Variants in ADGRG2 observed in about 807,000 individuals in gnomAD.
ADGRG2 encodes adhesion G protein-coupled receptor G2, also known as G protein-coupled receptor 64.
In ADGRG2, 26 loss-of-function variants were observed where a neutral mutation model predicts 74.1. The observed-to-expected ratio is 0.35, with a 90% CI of 0.26 to 0.49. The LOEUF (loss-of-function observed/expected upper bound fraction) is 0.49. ADGRG2 is among the 20% of genes least tolerant of loss of function. The pLI is 0.99. For synonymous variants in ADGRG2, 296 were observed against 295.2 expected (o/e 1.00, Z -0.03); for missense variants, 619 against 763.1 (o/e 0.81, Z 2.22).
intron 1 of ADGRG2, among the ~76,000 whole-genome samples, chrX:19,084,559 T>G (rs1336217012): frequency 8.9e-6 from 1 of 112,033 alleles, no homozygotes; most frequent in Non-Finnish European, 1.9e-5. Context: ...GTGGACTAAA[T>G]GTAGGATTAA....
rs776586772 is a variant in ADGRG2 at position 19,063,725 on chromosome X, G to T, written c.118+4992C>A. On this transcript the variant is annotated intron_variant, in intron 3 of 28. Transcript: ENST00000379869. ...AAGCCCGTAATGAGTGTGACACAAA[G>T]TGATATCCCCAGGTATGGATGGATA... Among the ~76,000 whole-genome samples the T allele has an allele frequency of 1.1e-3, 121 of 111,832 alleles. 1 individual carries two copies. Among genetic ancestry groups the T allele is most frequent in the African/African-American group, 3.7e-3 (115 of 30,762 alleles).
At position 19,046,971 on chromosome X, in the gene ADGRG2, G is replaced by A. The variant is rs1056603544; in HGVS notation, c.119-6747C>T. On this transcript the variant is annotated intron_variant, in intron 3 of 28. Coordinates refer to ENST00000379869, the MANE Select transcript of ADGRG2 (RefSeq NM_001079858.3). ...CATGAAAGATATTGCAAGGGGTCAG[G>A]TCCCTGTGATACAGAGTAAGGGAAG... Among the ~76,000 whole-genome samples, 124 of 112,205 alleles carry A rather than the reference G, an allele frequency of 1.1e-3. 1 individual carries two copies. Among genetic ancestry groups the A allele is most frequent in the African/African-American group, 3.6e-3 (110 of 30,924 alleles).
intron 1 of ADGRG2, among the ~76,000 whole-genome samples, chrX:19,102,175 A>G (rs2062200295): frequency 9.9e-6 from 1 of 100,694 alleles, no homozygotes; most frequent in African/African-American, 3.5e-5. Flanking sequence ...GTTCAAGACC[A>G]AAGTGCTGGG....
At position 18,999,272 on chromosome X, in the gene ADGRG2, T is replaced by C. The variant is rs774268855; in HGVS notation, c.2338A>G (p.Ile780Val). The C allele has an allele frequency of 1.9e-5, 22 of 1,186,265 alleles. No homozygotes were observed. Among genetic ancestry groups the C allele is most frequent in the Non-Finnish European group, 2.4e-5 (21 of 881,709 alleles). ...ATGTAGAATACTGCATTGTTGTTGATCCAGCAGCTGGAGTTTGTGGAGGGG... is the reference window on the plus strand; with the variant it reads ...ATGTAGAATACTGCATTGTTGTTGACCCAGCAGCTGGAGTTTGTGGAGGGG... ...PNGSPDDFCW[I>V]NNNAVFYITV... Residue 780 changes from isoleucine (I) to valine (V), a missense_variant, in exon 26 of 29, where the codon ATC becomes GTC. Ile to Val is a conservative substitution (Grantham distance 29). Coordinates refer to ENST00000379869, the MANE Select transcript of ADGRG2 (RefSeq NM_001079858.3).
At chrX:19,007,105 T>C (rs746872435) in intron 20 of ADGRG2, 130 bp downstream of exon 20, 1 of 601,649 alleles carries the variant, frequency 1.7e-6, no homozygotes, top group Non-Finnish European at 2.7e-6. Context: ...GTGATTCTAG[T>C]CCTGCAAACT....
At chrX:19,111,806 G>T (rs1045819683) in intron 1 of ADGRG2, among the ~76,000 whole-genome samples, 1 of 110,862 alleles carries the variant, frequency 9.0e-6, no homozygotes, top group Non-Finnish European at 1.9e-5. Flanking sequence ...AGAAAAGAGA[G>T]AAGGAAACAA....
At chrX:19,085,634 T>C (rs886908618) in intron 1 of ADGRG2, among the ~76,000 whole-genome samples, 52 of 111,467 alleles carry the variant, frequency 4.7e-4, no homozygotes, top group African/African-American at 1.7e-3. Context: ...TGGCCTATCC[T>C]TATTAATACA....
intron 3 of ADGRG2, among the ~76,000 whole-genome samples, chrX:19,049,453 T>TGTG (rs2061267843): frequency 9.6e-6 from 1 of 103,826 alleles, no homozygotes; most frequent in African/African-American, 3.7e-5. Context: ...TTTTTTTTTT[T>TGTG]TTTTGTTGTT....
chrX:18,995,008 A>G lies in ADGRG2; in HGVS notation c.2757T>C (p.Thr919=). Residue 919 remains threonine (T), a synonymous_variant, in exon 28 of 29, where the codon ACT becomes ACC. Coordinates refer to ENST00000379869, the MANE Select transcript of ADGRG2 (RefSeq NM_001079858.3). ...AAGAGCTGGACACTCCTTGGTTTAC[A>G]GTCTGCTTCTTTAAACCATTAGTAG... ...KTATNGLKKQ[T]VNQGVSSSSN... is the part of the protein sequence containing the mutation. 8.3e-7 allele frequency: 1 copy of G among 1,203,947 alleles called. No individual in the cohort carries two copies. Among genetic ancestry groups the G allele is most frequent in the Non-Finnish European group, 1.1e-6 (1 of 889,280 alleles).
chrX:19,007,029 T>G (rs748907292), intron 20 of ADGRG2, among the ~76,000 whole-genome samples: 104 of 111,526 alleles, frequency 9.3e-4, no homozygotes, highest in Non-Finnish European at 1.6e-3. Flanking sequence ...AGTGCTGGGA[T>G]GACAGCATGA....
chrX:19,118,560 AT>A (rs1210321076), intron 1 of ADGRG2, among the ~76,000 whole-genome samples: 2 of 110,420 alleles, frequency 1.8e-5, no homozygotes, highest in East Asian at 2.9e-4. Context: ...TAATTTTTTA[AT>A]TTTTTTTGTA....
intron 1 of ADGRG2, among the ~76,000 whole-genome samples, chrX:19,103,444 C>A (rs2062224420): frequency 8.9e-6 from 1 of 111,794 alleles, no homozygotes; most frequent in Admixed American, 9.5e-5. Flanking sequence ...GCAGCCCATG[C>A]CACTGCTCTG....
At chrX:18,995,101 C>A in intron 27 of ADGRG2, 53 bp from the exon 28 acceptor site, 1 of 939,642 alleles carries the variant, frequency 1.1e-6, no homozygotes, top group South Asian at 2.4e-5. Context: ...GAAGCTCAAA[C>A]GCAAGAGACA....
intron 1 of ADGRG2, among the ~76,000 whole-genome samples, chrX:19,116,886 A>T (rs1225207132): frequency 1.8e-5 from 2 of 112,586 alleles, no homozygotes; most frequent in Admixed American, 9.4e-5. Flanking sequence ...TTAAAATGAA[A>T]TAGAACAGAT....
At chrX:19,095,396 C>A (rs920235230) in intron 1 of ADGRG2, among the ~76,000 whole-genome samples, 4 of 110,932 alleles carry the variant, frequency 3.6e-5, no homozygotes, top group African/African-American at 1.3e-4. Context: ...CTTTAATATA[C>A]CGCAGGGAAG....
chrX:19,064,414 G>A (rs988904713), intron 3 of ADGRG2, among the ~76,000 whole-genome samples: 3 of 112,255 alleles, frequency 2.7e-5, no homozygotes, highest in Admixed American at 9.4e-5. Context: ...AGTCAGAGAC[G>A]ATGTTCTCAG....
chrX:19,055,988 C>A (rs1295238609), intron 3 of ADGRG2, among the ~76,000 whole-genome samples: 1 of 110,030 alleles, frequency 9.1e-6, no homozygotes, highest in Non-Finnish European at 1.9e-5. Flanking sequence ...CCCTCCTTGA[C>A]CTTCCAAAGT....
At chrX:19,023,500 C>A (rs1487895368) in intron 12 of ADGRG2, 47 bp from the exon 13 acceptor site, 6 of 744,291 alleles carry the variant, frequency 8.1e-6, no homozygotes, top group Admixed American at 3.1e-5. Flanking sequence ...TTACTTTGGG[C>A]AGTTGGAAAT....
intron 3 of ADGRG2, among the ~76,000 whole-genome samples, chrX:19,050,287 C>T (rs764928883): frequency 9.9e-5 from 11 of 111,475 alleles, no homozygotes; most frequent in African/African-American, 3.3e-4. Context: ...AAGTCTCCCT[C>T]CCCAACAGTT....
Sources: gnomAD v4.1 joint callset for allele counts (sites outside exome capture counted in the v4.1 genomes callset) on GRCh38, gnomAD v4.1.1 for gene constraint, MANE v1.5 for transcripts, NCBI Gene and HGNC (gene_info 2026-07-23, HGNC 2026-07-21) for gene names.